BMP2K: variants seen among roughly 807,000 people sequenced by gnomAD.
BMP2K encodes BMP2 inducible kinase.
In BMP2K, 74 loss-of-function variants were observed where a neutral mutation model predicts 116.0. The ratio of observed to expected loss-of-function variants is 0.64; its 90% CI spans 0.53 to 0.77. BMP2K has a LOEUF of 0.77. Ranked by LOEUF, BMP2K falls within the 30% of genes least tolerant of loss-of-function variation. The pLI is 0.00. For missense variants in BMP2K, 1,365 were observed against 1,403.6 expected (o/e 0.97, Z 0.44); for synonymous variants, 486 against 502.5 (o/e 0.97, Z 0.44).
At position 78,911,317 on chromosome 4, in the gene BMP2K, G is replaced by C. The variant is rs370160842; in HGVS notation, c.2770G>C (p.Gly924Arg). ...GGGGCCTGAGGCACATACTATCCCT[G>C]GTTATCCCAAAAGTGTAGATGTATT... ...AVGPEAHTIP[G>R]YPKSVDVFGS... The change falls in exon 16 of 16, where the codon GGT (glycine) becomes CGT (arginine). Residue 924 changes from glycine (G) to arginine (R), a missense_variant. This residue lies in a region of BMP2K where 596 missense variants were observed against 623.2 expected (regional missense o/e 0.96). Coordinates refer to ENST00000502613, the MANE Select transcript of BMP2K (RefSeq NM_198892.2). 85 of 1,613,878 alleles carry C rather than the reference G, an allele frequency of 5.3e-5. No homozygotes were observed. The Middle Eastern group carries it at 1.3e-3, about 25-fold the overall frequency.
At chr4:78,782,024 T>C (rs2109917354) in intron 1 of BMP2K, among the ~76,000 whole-genome samples, 1 of 152,292 alleles carries the variant, frequency 6.6e-6, no homozygotes, top group South Asian at 2.1e-4. Flanking sequence ...CATTCACAGT[T>C]ATTCATGCTC....
rs149450210 is a variant in BMP2K at position 78,844,790 on chromosome 4, T to C, written c.547-138T>C. 85 of 684,380 alleles carry C rather than the reference T, an allele frequency of 1.2e-4. 1 individual carries two copies. The African/African-American group carries it at 1.4e-3, about 11-fold the overall frequency. The allele number at this position is 684,380 out of a possible 1,614,324, so 42.4% of individuals were successfully genotyped here. A position where few individuals can be genotyped will look rare whatever the true frequency, so the allele number is the denominator to read the frequency against. On this transcript the variant is annotated intron_variant, in intron 4 of 15. Transcript: ENST00000502613. ...TATATGGCACATGTATACTTATTTT[T>C]GTATATGGCATATACCCTTCGGTGT...
chr4:78,836,243 C>A (rs1730470725), intron 3 of BMP2K, among the ~76,000 whole-genome samples: 1 of 151,834 alleles, frequency 6.6e-6, no homozygotes, highest in African/African-American at 2.4e-5. Flanking sequence ...TAGTGAAACC[C>A]CTTCTCTACT....
intron 9 of BMP2K, among the ~76,000 whole-genome samples, chr4:78,863,185 A>G (rs947834922): frequency 2.0e-5 from 3 of 152,240 alleles, no homozygotes; most frequent in Admixed American, 1.3e-4. Flanking sequence ...ATATTAAAAA[A>G]TAAGGTTGAT....
intron 3 of BMP2K, among the ~76,000 whole-genome samples, chr4:78,835,627 CAAAAAAAA>C (rs561192085): frequency 4.3e-5 from 3 of 69,498 alleles, no homozygotes; most frequent in Non-Finnish European, 1.1e-4. Flanking sequence ...GACTCCGTGT[CAAAAAAAA>C]AAAAAAAAAA....
At chr4:78,836,772 G>A (rs1252028929) in intron 3 of BMP2K, among the ~76,000 whole-genome samples, 1 of 152,156 alleles carries the variant, frequency 6.6e-6, no homozygotes, top group Non-Finnish European at 1.5e-5. Context: ...AACATTATAG[G>A]TTGGAAATAA....
chr4:78,860,893 C>T (rs894512859), intron 8 of BMP2K, among the ~76,000 whole-genome samples: 2 of 148,398 alleles, frequency 1.3e-5, no homozygotes, highest in African/African-American at 5.0e-5. Flanking sequence ...ATTTACTCAG[C>T]AAGTATTTAT....
chr4:78,865,097 G>A (rs1271596369), intron 9 of BMP2K, among the ~76,000 whole-genome samples: 2 of 152,104 alleles, frequency 1.3e-5, no homozygotes, highest in African/African-American at 4.8e-5. Context: ...GGCTTATTTT[G>A]TTTAACGTGC....
Position 78,861,466 on chromosome 4 carries a change from C to A in BMP2K, c.1065C>A (p.Ala355=). The change falls in exon 9 of 16, where the codon GCC becomes GCA. Residue 355 remains alanine (A), a splice_region_variant and synonymous_variant. Transcript: ENST00000502613. ...EAAARKSQIK[A]RITDTIGPTE... is the part of the protein sequence containing the mutation. ...CTGCTAGGAAAAGCCAAATAAAAGC[C>A]AGGTAGGCAAAACTATGCTGAAATT... 6.2e-7 allele frequency: 1 copy of A among 1,603,704 alleles called. No homozygotes were observed. Among genetic ancestry groups the A allele is most frequent in the Non-Finnish European group, 8.5e-7 (1 of 1,173,038 alleles).
intron 12 of BMP2K, chr4:78,872,360 C>T: frequency 6.8e-6 from 1 of 147,698 alleles, no homozygotes; most frequent in Non-Finnish European, 1.3e-5. Flanking sequence ...TGACTTTAAG[C>T]TACTCTTTTT....
At chr4:78,802,251 C>G (rs1718581310) in intron 1 of BMP2K, among the ~76,000 whole-genome samples, 1 of 152,112 alleles carries the variant, frequency 6.6e-6, no homozygotes, top group Non-Finnish European at 1.5e-5. Flanking sequence ...CCCAGTGTGA[C>G]CTTCTTACTC....
intron 14 of BMP2K, among the ~76,000 whole-genome samples, chr4:78,881,117 A>G (rs556011531): frequency 2.4e-4 from 37 of 152,324 alleles, no homozygotes; most frequent in African/African-American, 7.9e-4. Flanking sequence ...CACATTTATA[A>G]ACTGGGGATA....
At position 78,850,907 on chromosome 4, in the gene BMP2K, G is replaced by C. The variant is rs1419373562; in HGVS notation, c.751-17G>C. On this transcript the variant is annotated splice_polypyrimidine_tract_variant and intron_variant, in intron 6 of 15. Coordinates refer to ENST00000502613, the MANE Select transcript of BMP2K (RefSeq NM_198892.2). Reference sequence around the variant, plus strand: ...TAACTTGAGCTCTAATGATATTTATGCTTCTTTGGTTTACAGGCACTGGGA... The same window carrying C: ...TAACTTGAGCTCTAATGATATTTATCCTTCTTTGGTTTACAGGCACTGGGA... The C allele has an allele frequency of 2.5e-6, 4 of 1,608,348 alleles. No individual in the cohort carries two copies. The highest frequency in any genetic ancestry group is 3.4e-6 in the Non-Finnish European group (4 of 1,177,280).
intron 1 of BMP2K, among the ~76,000 whole-genome samples, chr4:78,818,595 A>G (rs1056129511): frequency 6.6e-6 from 1 of 152,290 alleles, no homozygotes; most frequent in East Asian, 1.9e-4. Context: ...AGCTGATTTT[A>G]GGTTTGAATA....
chr4:78,881,239 G>A (rs899820609), intron 14 of BMP2K, among the ~76,000 whole-genome samples: 3 of 152,054 alleles, frequency 2.0e-5, no homozygotes, highest in Non-Finnish European at 4.4e-5. Context: ...AAGCCTTTAT[G>A]TCATGACTTA....
At chr4:78,786,272 A>G (rs895259998) in intron 1 of BMP2K, among the ~76,000 whole-genome samples, 23 of 152,080 alleles carry the variant, frequency 1.5e-4, no homozygotes, top group African/African-American at 4.6e-4. Flanking sequence ...CTTGCACTAC[A>G]TAAGGTTAGA....
chr4:78,829,953 C>T (rs1730128815), intron 2 of BMP2K, among the ~76,000 whole-genome samples: 1 of 151,882 alleles, frequency 6.6e-6, no homozygotes, highest in Non-Finnish European at 1.5e-5. Context: ...TGGCTCACTG[C>T]AACCTTGGCC....
chr4:78,900,931 T>C (rs1240263401), intron 15 of BMP2K, among the ~76,000 whole-genome samples: 3 of 151,348 alleles, frequency 2.0e-5, no homozygotes, highest in African/African-American at 7.4e-5. Flanking sequence ...GTTATAAAAC[T>C]GATGTTAGTA....
chr4:78,806,994 C>T (rs185976356), intron 1 of BMP2K, among the ~76,000 whole-genome samples: 13 of 152,018 alleles, frequency 8.6e-5, no homozygotes, highest in Admixed American at 5.9e-4. Flanking sequence ...GGATTACAGG[C>T]GCCTGCTACC....
Sources: allele counts gnomAD v4.1 joint callset (sites outside exome capture counted in the v4.1 genomes callset), GRCh38; gene constraint gnomAD v4.1.1; regional missense constraint gnomAD v4.1.1; transcripts MANE v1.5; gene names NCBI Gene and HGNC (gene_info 2026-07-23, HGNC 2026-07-21).